ITM2B: variants seen among roughly 807,000 people sequenced by gnomAD.
ITM2B encodes the protein ABri/ADan amyloid peptide.
A neutral mutation model predicts 27.8 loss-of-function variants in ITM2B; 11 were observed. The ratio of observed to expected loss-of-function variants is 0.40; its 90% CI spans 0.25 to 0.66. The LOEUF (loss-of-function observed/expected upper bound fraction) is 0.66, where lower values mean the gene tolerates loss of function less well. Among genes scored for constraint, ITM2B ranks in the 30% least tolerant of loss-of-function variants. The pLI, the probability that ITM2B is intolerant of heterozygous loss-of-function variation, is 0.43. For missense variants in ITM2B, 296 were observed against 328.9 expected (o/e 0.90, Z 0.77); for synonymous variants, 114 against 114.3 (o/e 1.00, Z 0.02).
At chr13:48,246,603 C>T (rs995626663) in intron 1 of ITM2B, among the ~76,000 whole-genome samples, 1 of 152,066 alleles carries the variant, frequency 6.6e-6, no homozygotes, top group African/African-American at 2.4e-5. Context: ...AATGTAGAAA[C>T]CAAATGAATA....
rs758061168 is a variant in ITM2B at position 48,233,346 on chromosome 13, G to A, written c.-15G>A. ...GAGCCCGCCGCCGCCCTTCGAGGGC[G>A]CCCCAGGCCGCGCCATGGTGAAGGT... is the stretch of plus-strand genomic sequence containing the variant. On this transcript the variant is annotated 5_prime_UTR_variant, in exon 1 of 6. Coordinates refer to ENST00000647800, the MANE Select transcript of ITM2B (RefSeq NM_021999.5). 3.3e-5 allele frequency: 51 copies of A among 1,523,068 alleles called. 1 individual carries two copies. In the South Asian group the frequency reaches 5.8e-4, roughly 17 times the overall value. The allele number at this position is 1,523,068 out of a possible 1,614,324, so 94.3% of individuals were successfully genotyped here.
At chr13:48,237,996 A>T (rs1468627306) in intron 1 of ITM2B, among the ~76,000 whole-genome samples, 1 of 152,198 alleles carries the variant, frequency 6.6e-6, no homozygotes, top group Non-Finnish European at 1.5e-5. Flanking sequence ...AAGGAAAAGA[A>T]ATTAAGGACT....
rs1475092047 is a variant in ITM2B at position 48,267,619 on chromosome 13, TG to T, written c.*6396del. 6.6e-6 allele frequency: 1 copy of T among 152,240 alleles called. No individual in the cohort carries two copies. The highest frequency in any genetic ancestry group is 1.5e-5 in the Non-Finnish European group (1 of 68,034). The allele number at this position is 152,240 out of a possible 1,614,324, so 9.4% of individuals were successfully genotyped here. A position where few individuals can be genotyped will look rare whatever the true frequency, so the allele number is the denominator to read the frequency against. ...GATAGAAATAAAAATGAGCCAGAAA[TG>T]TTTCTTCAGCTTTTGTAAAGTGCTG... is the stretch of plus-strand genomic sequence containing the variant. On this transcript the variant is annotated 3_prime_UTR_variant, in exon 6 of 6. Transcript: ENST00000647800.
rs115661020 is a variant in ITM2B at position 48,241,071 on chromosome 13, C to T, written c.117+7594C>T. On this transcript the variant is annotated intron_variant, in intron 1 of 5. Transcript: ENST00000647800. ...CTTTGTGCAATTTAGAAAAAGATCCCCTCTCTGGTGGTTTGGAGAATAGAG... is the reference window on the plus strand; with the variant it reads ...CTTTGTGCAATTTAGAAAAAGATCCTCTCTCTGGTGGTTTGGAGAATAGAG... Among the ~76,000 whole-genome samples, 1,025 of 152,308 alleles carry T rather than the reference C, an allele frequency of 6.7e-3. 15 individuals carry two copies. Among genetic ancestry groups the T allele is most frequent in the African/African-American group, 0.023 (976 of 41,558 alleles).
intron 3 of ITM2B, among the ~76,000 whole-genome samples, chr13:48,257,538 T>TA (rs1207784491): frequency 6.6e-6 from 1 of 152,236 alleles, no homozygotes; most frequent in Non-Finnish European, 1.5e-5. Context: ...AAAATTTACT[T>TA]ATTTCAAGGA....
chr13:48,241,325 C>T (rs996603951), intron 1 of ITM2B, among the ~76,000 whole-genome samples: 26 of 152,298 alleles, frequency 1.7e-4, no homozygotes, highest in African/African-American at 5.8e-4. Flanking sequence ...GATTCTCCTG[C>T]CTCAGTCTCC....
At chr13:48,234,121 A>T (rs756805564) in intron 1 of ITM2B, among the ~76,000 whole-genome samples, 1 of 152,134 alleles carries the variant, frequency 6.6e-6, no homozygotes, top group Non-Finnish European at 1.5e-5. Context: ...AGTAATGACT[A>T]TGTGGATGTT....
At position 48,269,631 on chromosome 13, in the gene ITM2B, G is replaced by C. The variant is rs115550700; in HGVS notation, c.*8407G>C. ...AGGGCAATCCTGCTTCAGAGCCTTT[G>C]CACTTGCTGTTTCTGGGCCAGGAAT... is the stretch of plus-strand genomic sequence containing the variant. On this transcript the variant is annotated 3_prime_UTR_variant, in exon 6 of 6. Coordinates refer to ENST00000647800, the MANE Select transcript of ITM2B (RefSeq NM_021999.5). 2 of 152,452 alleles carry C rather than the reference G, an allele frequency of 1.3e-5. No individual in the cohort carries two copies. Among genetic ancestry groups the C allele is most frequent in the African/African-American group, 4.8e-5 (2 of 41,544 alleles). 9.4% of individuals were successfully genotyped at this position (152,452 alleles called of 1,614,324 possible). A position where few individuals can be genotyped will look rare whatever the true frequency, so the allele number is the denominator to read the frequency against.
intron 1 of ITM2B, among the ~76,000 whole-genome samples, chr13:48,244,736 T>C (rs968358546): frequency 2.6e-5 from 4 of 152,192 alleles, no homozygotes; most frequent in Non-Finnish European, 5.9e-5. Flanking sequence ...TCTTTAATCT[T>C]GACACTGAAT....
Position 48,233,446 on chromosome 13 carries a change from TCC to T in ITM2B, c.92_93del (p.Pro31ArgfsTer12). On this transcript the variant is annotated frameshift_variant, in exon 1 of 6. Coordinates refer to ENST00000647800, the MANE Select transcript of ITM2B (RefSeq NM_021999.5). LOFTEE classifies it high-confidence loss of function. ...AAGAGCGGCGAGGAGGCGCTCATCATCCCCCCCGACGCCGTCGCGGTGGACTG... is the reference window on the plus strand; with the variant it reads ...AAGAGCGGCGAGGAGGCGCTCATCATCCCCCGACGCCGTCGCGGTGGACTG... 6.5e-7 allele frequency: 1 copy of T among 1,532,332 alleles called. No individual in the cohort carries two copies. The highest frequency in any genetic ancestry group is 8.8e-7 in the Non-Finnish European group (1 of 1,141,330). 94.9% of individuals were successfully genotyped at this position (1,532,332 alleles called of 1,614,324 possible).
chr13:48,259,757 C>G (rs745696138), intron 5 of ITM2B, among the ~76,000 whole-genome samples: 4 of 148,944 alleles, frequency 2.7e-5, no homozygotes, highest in Non-Finnish European at 4.4e-5. Flanking sequence ...AGGTTTGTTA[C>G]AAAGGGTATA....
chr13:48,257,448 T>G (rs9332287), intron 3 of ITM2B, among the ~76,000 whole-genome samples: 6,144 of 152,286 alleles, frequency 0.04, 376 homozygotes, highest in African/African-American at 0.13. Flanking sequence ...TTTTGAACAC[T>G]CGAATATATT....
chr13:48,240,371 A>G (rs1241676917), intron 1 of ITM2B, among the ~76,000 whole-genome samples: 1 of 151,934 alleles, frequency 6.6e-6, no homozygotes, highest in Non-Finnish European at 1.5e-5. Flanking sequence ...ATGCCTGGCT[A>G]ATTTTTTGTA....
rs187886641 is a variant in ITM2B at position 48,234,769 on chromosome 13, G to A, written c.117+1292G>A. On this transcript the variant is annotated intron_variant, in intron 1 of 5. Coordinates refer to ENST00000647800, the MANE Select transcript of ITM2B (RefSeq NM_021999.5). The stretch of plus-strand genomic sequence containing the variant: ...AATGACTTGCCTTGCCTTGAAATAG[G>A]AACAGTGAACTGATTCCCTAAAAGG... Among the ~76,000 whole-genome samples the A allele has an allele frequency of 2.1e-4, 32 of 152,284 alleles. 1 individual carries two copies. The highest frequency in any genetic ancestry group is 1.7e-3 in the Admixed American group (26 of 15,300).
chr13:48,239,435 G>GATAAGC (rs1289272634), intron 1 of ITM2B, among the ~76,000 whole-genome samples: 2 of 152,210 alleles, frequency 1.3e-5, no homozygotes, highest in Non-Finnish European at 2.9e-5. Context: ...AGGAGTTCGA[G>GATAAGC]ATAAGCCTGG....
intron 1 of ITM2B, among the ~76,000 whole-genome samples, chr13:48,244,388 TGCACATGCCTTC>T (rs1299900335): frequency 6.6e-6 from 1 of 152,256 alleles, no homozygotes; most frequent in East Asian, 1.9e-4. Context: ...GAGTTTTTAC[TGCACATGCCTTC>T]AGTGCTAGGC....
rs9591152 is a variant in ITM2B, at chr13:48,257,611, A to G, written c.454-515A>G. Among the ~76,000 whole-genome samples, 376 of 152,342 alleles carry G rather than the reference A, an allele frequency of 2.5e-3. 2 individuals are homozygous for G. The highest frequency in any genetic ancestry group is 0.014 in the Middle Eastern group (4 of 294). On this transcript the variant is annotated intron_variant, in intron 3 of 5. Coordinates refer to ENST00000647800, the MANE Select transcript of ITM2B (RefSeq NM_021999.5). ...AACACTTACTGAGCTCTTAGGAATC[A>G]AAATGTTGACATTATTTGATTTAAG...
chr13:48,260,284 G>A (rs1446966496), intron 5 of ITM2B, among the ~76,000 whole-genome samples: 1 of 152,080 alleles, frequency 6.6e-6, no homozygotes, highest in Non-Finnish European at 1.5e-5. Flanking sequence ...GTTTGCTATT[G>A]TGAGTAGTGC....
chr13:48,244,850 A>G (rs574180144), intron 1 of ITM2B, among the ~76,000 whole-genome samples: 92 of 152,348 alleles, frequency 6.0e-4, no homozygotes, highest in African/African-American at 2.2e-3. Flanking sequence ...AGCCAGTGGT[A>G]GAGAAAATCT....
Sources: gnomAD v4.1 joint callset for allele counts (sites outside exome capture counted in the v4.1 genomes callset) on GRCh38, gnomAD v4.1.1 for gene constraint, MANE v1.5 for transcripts, NCBI Gene and HGNC (gene_info 2026-07-23, HGNC 2026-07-21) for gene names.